Variants in LIPJ observed in about 807,000 individuals in gnomAD.
The protein encoded by LIPJ is lipase family member J, also known as lipase member J.
Under a neutral mutation model 39.8 loss-of-function variants are expected in LIPJ, and 33 were observed. That is an observed-to-expected ratio of 0.83 (90% CI 0.63 to 1.11). LIPJ has a LOEUF of 1.11. Ranked by LOEUF, LIPJ falls within the 50% of genes least tolerant of loss-of-function variation. The pLI is 0.00. For synonymous variants in LIPJ, 128 were observed against 139.2 expected, an observed-to-expected ratio of 0.92 and a Z score of 0.57; for missense variants, 422 against 427.9, an observed-to-expected ratio of 0.99 and a Z score of 0.12.
At chr10:88,594,467 T>C (rs1851187003) in intron 5 of LIPJ, among the ~76,000 whole-genome samples, 200 bp from the exon 6 acceptor site, 1 of 151,922 alleles carries the variant, frequency 6.6e-6, no homozygotes, top group South Asian at 2.1e-4. Flanking sequence ...ACCCTCTTTA[T>C]AAGACTGCCT....
Position 88,598,174 on chromosome 10 carries a change from C to A in LIPJ, c.723+1238C>A, listed in dbSNP as rs1851326443. On this transcript the variant is annotated intron_variant, in intron 8 of 10. Coordinates refer to ENST00000371939, the Ensembl canonical transcript of LIPJ. ...TGTGAAACTGTGGTTCAGCTTGAAT[C>A]AGTCTCTTGAGCCTAGCAAGATCTG... Among the ~76,000 whole-genome samples, 8 of 152,080 alleles carry A rather than the reference C, an allele frequency of 5.3e-5. No individual in the cohort carries two copies. In the South Asian group the frequency reaches 1.7e-3, roughly 32 times the overall value.
At chr10:88,610,594 T>C (rs1479118435), downstream of LIPJ, among the ~76,000 whole-genome samples, 1 of 152,148 alleles carries the variant, frequency 6.6e-6, no homozygotes, top group Non-Finnish European at 1.5e-5. Context: ...GCCAAAACAA[T>C]TTTAAAAAAT....
intron 4 of LIPJ, chr10:88,591,794 G>A: frequency 5.6e-6 from 1 of 180,026 alleles, no homozygotes; most frequent in Non-Finnish European, 1.2e-5. Context: ...AATTAGAAAT[G>A]CTCTGAAACA....
intron 8 of LIPJ, among the ~76,000 whole-genome samples, chr10:88,599,932 A>G (rs1302962651): frequency 6.6e-6 from 1 of 151,772 alleles, no homozygotes; most frequent in African/African-American, 2.4e-5. Flanking sequence ...TCATCCTGCT[A>G]TATGCTTTTT....
chr10:88,605,790 A>C lies in LIPJ; in HGVS notation c.867+86A>C, dbSNP rs922700182. On this transcript the variant is annotated intron_variant, in intron 10 of 10. Transcript: ENST00000371939. ...GATCAAGGATCAACTGTAAATCCCCACAGTACAATAACACACTGATTAAGG... is the reference window on the plus strand; with the variant it reads ...GATCAAGGATCAACTGTAAATCCCCCCAGTACAATAACACACTGATTAAGG... 8 of 800,924 alleles carry C rather than the reference A, an allele frequency of 1.0e-5. No homozygotes were observed. The African/African-American group carries it at 1.4e-4, about 14-fold the overall frequency. 49.6% of individuals were successfully genotyped at this position (800,924 alleles called of 1,614,324 possible).
chr10:88,620,491 A>G, the LIPJ span, among the ~76,000 whole-genome samples: 1 of 152,174 alleles, frequency 6.6e-6, no homozygotes, highest in South Asian at 2.1e-4. Flanking sequence ...TAAAAATGGG[A>G]AAGATTTAAC....
chr10:88,600,562 G>T (rs1851439476), intron 8 of LIPJ, among the ~76,000 whole-genome samples: 1 of 151,978 alleles, frequency 6.6e-6, no homozygotes, highest in African/African-American at 2.4e-5. Flanking sequence ...TTATTTTAAA[G>T]CTTTTGCTAA....
intron 10 of LIPJ, 78 bp downstream of exon 10, chr10:88,605,782 A>G: frequency 1.2e-6 from 1 of 842,218 alleles, no homozygotes; most frequent in South Asian, 1.4e-5. Context: ...GATCAACTGT[A>G]AATCCCCACA....
intron 4 of LIPJ, chr10:88,592,480 G>A (rs1459708114): frequency 6.6e-6 from 1 of 151,846 alleles, no homozygotes; most frequent in Non-Finnish European, 1.5e-5. Flanking sequence ...GCAGTAACGT[G>A]GAAATTAGGA....
intron 6 of LIPJ, 106 bp from the exon 7 acceptor site, chr10:88,596,173 GT>G (rs1165045243): frequency 8.3e-6 from 6 of 719,944 alleles, no homozygotes; most frequent in Non-Finnish European, 1.2e-5. Flanking sequence ...TAAGTTAATT[GT>G]TCAGAAACTA....
At chr10:88,620,435 C>A in the LIPJ span, among the ~76,000 whole-genome samples, 2 of 152,102 alleles carry the variant, frequency 1.3e-5, no homozygotes, top group African/African-American at 2.4e-5. Flanking sequence ...GAAAACTCAA[C>A]TATTTTTGCA....
exon 2 of LIPJ, chr10:88,587,368 A>G (rs1850942741): frequency 6.6e-6 from 1 of 152,162 alleles, no homozygotes; most frequent in East Asian, 1.9e-4. Context: ...TATATTGGAC[A>G]CTTAAAATCA....
chr10:88,613,263 G>C, the LIPJ span, among the ~76,000 whole-genome samples: 1 of 151,860 alleles, frequency 6.6e-6, no homozygotes, highest in Non-Finnish European at 1.5e-5. Context: ...GAAGAATAGG[G>C]GCCTAGGTGA....
chr10:88,614,761 T>C, the LIPJ span, among the ~76,000 whole-genome samples: 534 of 152,240 alleles, frequency 3.5e-3, 6 homozygotes, highest in African/African-American at 0.011. Context: ...AAAGTATTAA[T>C]ATTGGAGGAT....
At chr10:88,614,304 G>A in the LIPJ span, among the ~76,000 whole-genome samples, 1 of 152,130 alleles carries the variant, frequency 6.6e-6, no homozygotes, top group East Asian at 1.9e-4. Context: ...GAAAGTCTGA[G>A]GTATAGATTA....
exon 11 of LIPJ, chr10:88,606,922 G>T: frequency 6.8e-7 from 1 of 1,468,312 alleles, no homozygotes; most frequent in Non-Finnish European, 9.1e-7. Context: ...CCATGGCGCT[G>T]TGTGTTTAAA....
chr10:88,615,539 A>C, the LIPJ span, among the ~76,000 whole-genome samples: 4 of 149,544 alleles, frequency 2.7e-5, no homozygotes, highest in African/African-American at 7.4e-5. Context: ...GGGGCAGGGG[A>C]ATCACTTGAA....
intron 1 of LIPJ, chr10:88,587,054 T>C (rs1015527750): frequency 6.6e-6 from 1 of 152,146 alleles, no homozygotes; most frequent in Non-Finnish European, 1.5e-5. Context: ...ACTTCAGACT[T>C]TTAAGGAAGT....
At chr10:88,613,695 GGGATA>G in the LIPJ span, among the ~76,000 whole-genome samples, 5 of 147,430 alleles carry the variant, frequency 3.4e-5, no homozygotes, top group Non-Finnish European at 7.5e-5. Context: ...AGTATGACTG[GGGATA>G]GCATAAGGGA....
Sources: allele counts gnomAD v4.1 joint callset (sites outside exome capture counted in the v4.1 genomes callset), GRCh38; gene constraint gnomAD v4.1.1; transcripts MANE v1.5; gene names NCBI Gene and HGNC (gene_info 2026-07-23, HGNC 2026-07-21).